PRDX4: variants seen among roughly 807,000 people sequenced by gnomAD.
PRDX4 encodes the protein peroxiredoxin 4.
In PRDX4, 12 loss-of-function variants were observed where a neutral mutation model predicts 20.5. The ratio of observed to expected loss-of-function variants is 0.58; its 90% CI spans 0.37 to 0.95. The LOEUF is 0.95. Ranked by LOEUF, PRDX4 falls within the 40% of genes least tolerant of loss-of-function variation. The probability of loss-of-function intolerance (pLI) is 0.01; values close to 1 mark genes in which losing one functional copy is unlikely to be tolerated. For synonymous variants in PRDX4, 99 were observed against 87.5 expected (o/e 1.13, Z -0.73); for missense variants, 180 against 207.3 (o/e 0.87, Z 0.81).
chrX:23,678,631 G>GA (rs1419058045), intron 3 of PRDX4, among the ~76,000 whole-genome samples: 3 of 109,203 alleles, frequency 2.7e-5, no homozygotes, highest in South Asian at 4.0e-4. Flanking sequence ...CTCCGTCTCA[G>GA]AAAAAACAAA....
chrX:23,675,243 A>G, intron 3 of PRDX4, 137 bp downstream of exon 3: 1 of 1,062,900 alleles, frequency 9.4e-7, no homozygotes. Context: ...TAAGAGTAAT[A>G]CATGTAACTA....
At chrX:23,682,825 CAAAAAAAAAA>C (rs568865999) in intron 5 of PRDX4, among the ~76,000 whole-genome samples, 4 of 9,583 alleles carry the variant, frequency 4.2e-4, no homozygotes, top group Admixed American at 3.6e-3. Context: ...TACTAAAAAT[CAAAAAAAAAA>C]AAAAAAAAAA....
chrX:23,682,853 A>AAAAAAAAAAAAAT (rs1555933130), intron 5 of PRDX4, among the ~76,000 whole-genome samples: 3 of 14,878 alleles, frequency 2.0e-4, no homozygotes, highest in African/African-American at 2.2e-4. Flanking sequence ...AAAAAAAAAA[A>AAAAAAAAAAAAAT]ATATATATAT....
chrX:23,679,051 A>C lies in PRDX4; in HGVS notation c.477-114A>C, dbSNP rs1928007345. 19 of 788,196 alleles carry C rather than the reference A, an allele frequency of 2.4e-5. No individual in the cohort carries two copies. In the East Asian group the frequency reaches 5.8e-4, roughly 24 times the overall value. 65.0% of individuals were successfully genotyped at this position (788,196 alleles called of 1,213,427 possible). On this transcript the variant is annotated intron_variant, in intron 3 of 6. Coordinates refer to ENST00000379341, the MANE Select transcript of PRDX4 (RefSeq NM_006406.2). The stretch of plus-strand genomic sequence containing the variant: ...GAAAGTATATTAGCCTGTTTTTGTT[A>C]GTGAAAGAATGTGTGTATTTCATGT...
intron 5 of PRDX4, 69 bp downstream of exon 5, chrX:23,682,595 G>A (rs1240697044): frequency 3.0e-5 from 26 of 866,237 alleles, no homozygotes; most frequent in South Asian, 1.5e-4. Flanking sequence ...GTTTCTTATC[G>A]TAAAAGTAAT....
rs757902394 is a variant in PRDX4, at chrX:23,674,514, G to A, written c.360-476G>A. On this transcript the variant is annotated intron_variant, in intron 2 of 6. Transcript: ENST00000379341. ...GGAAGAGGACCTTATCAAGAAAGGA[G>A]GGGTGGGGGTACTGGAAAACATTGC... Among the ~76,000 whole-genome samples, 4 of 109,880 alleles carry A rather than the reference G, an allele frequency of 3.6e-5. No individual in the cohort carries two copies. In the South Asian group the frequency reaches 1.6e-3, roughly 43 times the overall value.
chrX:23,676,379 G>A (rs867505854), intron 3 of PRDX4, among the ~76,000 whole-genome samples: 2 of 110,525 alleles, frequency 1.8e-5, no homozygotes, highest in Admixed American at 2.0e-4. Context: ...AATTCCTTAA[G>A]TATCTCAATT....
intron 3 of PRDX4, among the ~76,000 whole-genome samples, chrX:23,678,276 AAAG>A (rs376048649): frequency 0.19 from 19,901 of 103,817 alleles, 1,660 homozygotes; most frequent in African/African-American, 0.29. Context: ...CAAAAAAAAA[AAAG>A]AAAGAAAGAA....
Position 23,670,325 on chromosome X carries a change from G to A in PRDX4, c.242-1204G>A, listed in dbSNP as rs1258315548. ...TAGCATTTTAAGTAATTTATTTAAA[G>A]TATATATAATTGAATACTCTTCTGC... is the stretch of plus-strand genomic sequence containing the variant. On this transcript the variant is annotated intron_variant, in intron 1 of 6. Transcript: ENST00000379341. Among the ~76,000 whole-genome samples, 3 of 111,885 alleles carry A rather than the reference G, an allele frequency of 2.7e-5. No individual in the cohort carries two copies. The Admixed American group carries it at 2.9e-4, about 11-fold the overall frequency.
chrX:23,674,802 T>C (rs893208937), intron 2 of PRDX4, among the ~76,000 whole-genome samples, 188 bp from the exon 3 acceptor site: 2 of 112,129 alleles, frequency 1.8e-5, no homozygotes, highest in African/African-American at 6.5e-5. Context: ...CTCTGTAATA[T>C]GTTTCTGTCT....
At chrX:23,671,717 A>G (rs536647861) in intron 2 of PRDX4, 71 bp downstream of exon 2, 3 of 826,539 alleles carry the variant, frequency 3.6e-6, no homozygotes, top group Non-Finnish European at 3.4e-6. Context: ...TATCAAACAA[A>G]TTATTTTGTT....
chrX:23,673,452 A>G (rs2146787968), intron 2 of PRDX4, among the ~76,000 whole-genome samples: 1 of 112,637 alleles, frequency 8.9e-6, no homozygotes, highest in South Asian at 3.6e-4. Flanking sequence ...GCATTCCTTG[A>G]AATAAGAAGA....
intron 2 of PRDX4, among the ~76,000 whole-genome samples, chrX:23,673,767 A>AAAAT (rs1555931763): frequency 2.8e-5 from 3 of 107,323 alleles, no homozygotes; most frequent in East Asian, 3.0e-4. Flanking sequence ...AAAAAAAAAA[A>AAAAT]AAAGGAAGGC....
chrX:23,667,518 G>T lies in PRDX4; in HGVS notation c.-53G>T, dbSNP rs1448695451. 1.9e-5 allele frequency: 21 copies of T among 1,129,102 alleles called. No individual in the cohort carries two copies. Among genetic ancestry groups the T allele is most frequent in the South Asian group, 6.3e-5 (3 of 47,503 alleles). 93.1% of individuals were successfully genotyped at this position (1,129,102 alleles called of 1,213,427 possible). A position where few individuals can be genotyped will look rare whatever the true frequency, so the allele number is the denominator to read the frequency against. On this transcript the variant is annotated 5_prime_UTR_variant, in exon 1 of 7. Transcript: ENST00000379341. ...GTGCACGCGGTTGTAGCTGCCCGGC[G>T]GCGGCAGAAGCGGCGCTCGCGCCAA...
At chrX:23,677,465 C>T (rs1453163317) in intron 3 of PRDX4, among the ~76,000 whole-genome samples, 1 of 111,693 alleles carries the variant, frequency 9.0e-6, no homozygotes, top group Non-Finnish European at 1.9e-5. Context: ...AGTAAGTATG[C>T]AGATATACCA....
At chrX:23,676,093 A>T (rs1927939875) in intron 3 of PRDX4, among the ~76,000 whole-genome samples, 1 of 94,997 alleles carries the variant, frequency 1.1e-5, no homozygotes, top group Non-Finnish European at 2.0e-5. Flanking sequence ...ACGCCATTGC[A>T]CTCCAGCCTG....
chrX:23,675,794 G>A (rs772815921), intron 3 of PRDX4, among the ~76,000 whole-genome samples: 17 of 111,696 alleles, frequency 1.5e-4, no homozygotes, highest in African/African-American at 5.2e-4. Flanking sequence ...TTTTTATAGT[G>A]TCCACAGTCT....
At chrX:23,679,874 C>T (rs1045477564) in intron 4 of PRDX4, among the ~76,000 whole-genome samples, 1 of 110,809 alleles carries the variant, frequency 9.0e-6, no homozygotes, top group East Asian at 2.8e-4. Flanking sequence ...CCCAGCTACT[C>T]GGGAGGCTGA....
intron 6 of PRDX4, among the ~76,000 whole-genome samples, chrX:23,684,327 C>T (rs918870245): frequency 2.7e-5 from 3 of 110,176 alleles, no homozygotes; most frequent in Admixed American, 9.8e-5. Flanking sequence ...GGTCATGTAT[C>T]GAATTTCTTC....
Sources: allele counts gnomAD v4.1 joint callset (sites outside exome capture counted in the v4.1 genomes callset), GRCh38; gene constraint gnomAD v4.1.1; transcripts MANE v1.5; gene names NCBI Gene and HGNC (gene_info 2026-07-23, HGNC 2026-07-21).